MTRR: variants seen among roughly 807,000 people sequenced by gnomAD.
MTRR encodes the protein 5-methyltetrahydrofolate-homocysteine methyltransferase reductase, also known as methionine synthase reductase.
In MTRR, 63 loss-of-function variants were observed where a neutral mutation model predicts 79.2. That is an observed-to-expected ratio of 0.80 (90% CI 0.65 to 0.98). MTRR has a LOEUF of 0.98. MTRR is among the 50% of genes least tolerant of loss of function. The pLI is 0.00. For missense variants in MTRR, 895 were observed against 839.6 expected, an observed-to-expected ratio of 1.07 and a Z score of -0.82; for synonymous variants, 355 against 313.3, an observed-to-expected ratio of 1.13 and a Z score of -1.41.
chr5:7,892,061 A>T (rs2126789641), intron 10 of MTRR, among the ~76,000 whole-genome samples: 1 of 152,164 alleles, frequency 6.6e-6, no homozygotes, highest in South Asian at 2.1e-4. Flanking sequence ...AAAAAAGAAT[A>T]TTTGATGAGC....
In MTRR at chr5:7,899,975, G is replaced by T. The variant is rs748945898; in HGVS notation, c.2014G>T (p.Val672Phe). 1 of 1,613,994 alleles carries T rather than the reference G, an allele frequency of 6.2e-7. No individual in the cohort carries two copies. The highest frequency in any genetic ancestry group is 1.3e-5 in the African/African-American group (1 of 74,908). ...CCTTGTGCAAATAATAAGCAAAGAG[G>T]TTGGAGTTGAAAAACTAGAAGCAAT... Reference protein sequence around the residue: ...DALVQIISKEVGVEKLEAMKT... With the variant: ...DALVQIISKEFGVEKLEAMKT... The change falls in exon 15 of 15, where the codon GTT (valine) becomes TTT (phenylalanine). Residue 672 changes from valine to phenylalanine, a missense_variant. By Grantham distance (50) the Val-to-Phe change is conservative (BLOSUM62 -1). Coordinates refer to ENST00000440940, the MANE Select transcript of MTRR (RefSeq NM_002454.3).
upstream of MTRR, chr5:7,867,968 T>A (rs1289890386): frequency 1.2e-6 from 2 of 1,614,106 alleles, no homozygotes; most frequent in Non-Finnish European, 1.7e-6. Context: ...GCACAGACGC[T>A]CCTTGACTAC....
intron 6 of MTRR, 85 bp from the exon 7 acceptor site, chr5:7,885,616 G>T: frequency 1.2e-5 from 15 of 1,218,874 alleles, no homozygotes; most frequent in Middle Eastern, 2.0e-4. Flanking sequence ...TCATAATATT[G>T]AAAACTATAT....
intron 1 of MTRR, among the ~76,000 whole-genome samples, chr5:7,852,026 C>G (rs115691320): frequency 1.4e-3 from 213 of 152,306 alleles, no homozygotes; most frequent in Admixed American, 3.4e-3. Context: ...CAATCCCTTC[C>G]AAGCCAACTT....
chr5:7,854,538 A>G (rs758180991), intron 1 of MTRR, among the ~76,000 whole-genome samples: 44 of 152,194 alleles, frequency 2.9e-4, no homozygotes, highest in Admixed American at 4.6e-4. Context: ...ATGGCAGGAG[A>G]TGAAAGGCAC....
At chr5:7,888,970 C>T in intron 8 of MTRR, 125 bp from the exon 9 acceptor site, 1 of 1,037,942 alleles carries the variant, frequency 9.6e-7, no homozygotes, top group East Asian at 2.5e-5. Context: ...CTGACAATAG[C>T]TCCTAGTGGC....
At chr5:7,855,867 G>A (rs917494445) in intron 1 of MTRR, among the ~76,000 whole-genome samples, 2 of 152,148 alleles carry the variant, frequency 1.3e-5, no homozygotes, top group Non-Finnish European at 2.9e-5. Context: ...TACAAGTACT[G>A]GATGAAGGCA....
intron 4 of MTRR, 60 bp from the exon 5 acceptor site, chr5:7,877,883 TC>T: frequency 1.2e-6 from 2 of 1,600,038 alleles, no homozygotes; most frequent in Non-Finnish European, 1.7e-6. Flanking sequence ...ATTATCCTGT[TC>T]TGTGTTCAGA....
At chr5:7,869,980 G>C in intron 1 of MTRR, 1 of 981,074 alleles carries the variant, frequency 1.0e-6, no homozygotes, top group Non-Finnish European at 1.2e-6. Context: ...CTTTTGGTTT[G>C]GGTTTCAGTT....
At chr5:7,856,828 A>G (rs1212309828) in intron 1 of MTRR, 1 of 150,280 alleles carries the variant, frequency 6.7e-6, no homozygotes, top group Non-Finnish European at 1.5e-5. Context: ...TCTATCAAAT[A>G]TCTTTCAAGT....
chr5:7,861,300 T>A, intron 1 of MTRR: 8 of 1,190,264 alleles, frequency 6.7e-6, no homozygotes, highest in Non-Finnish European at 9.4e-6. Flanking sequence ...CTTAATTTTT[T>A]AAATAATCCA....
chr5:7,866,730 G>A (rs1184951070), upstream of MTRR: 1 of 1,613,824 alleles, frequency 6.2e-7, no homozygotes, highest in South Asian at 1.1e-5. Flanking sequence ...CATGAATGAA[G>A]AAGTTTCAAT....
At chr5:7,876,641 A>G (rs1734608397) in intron 4 of MTRR, among the ~76,000 whole-genome samples, 2 of 152,250 alleles carry the variant, frequency 1.3e-5, no homozygotes, top group Non-Finnish European at 2.9e-5. Flanking sequence ...TGGGGTTACG[A>G]ATGCACACTT....
intron 8 of MTRR, among the ~76,000 whole-genome samples, chr5:7,887,219 G>GTT (rs1040608765): frequency 3.4e-4 from 52 of 152,226 alleles, no homozygotes; most frequent in African/African-American, 1.2e-3. Context: ...AAATGGAAGG[G>GTT]TTTTGGTAGG....
chr5:7,880,252 A>G (rs1735361456), intron 5 of MTRR, among the ~76,000 whole-genome samples: 1 of 152,234 alleles, frequency 6.6e-6, no homozygotes, highest in Non-Finnish European at 1.5e-5. Context: ...CAGGTGTTCC[A>G]CATTTATTCA....
At chr5:7,895,620 A>G (rs1738369620) in intron 11 of MTRR, 114 bp from the exon 12 acceptor site, 2 of 1,341,062 alleles carry the variant, frequency 1.5e-6, no homozygotes, top group Non-Finnish European at 2.1e-6. Flanking sequence ...CTATTTAGTG[A>G]TGTTTCTTTG....
chr5:7,850,880 C>A, upstream of MTRR: 1 of 1,327,596 alleles, frequency 7.5e-7, no homozygotes. Flanking sequence ...CTCACCCGCG[C>A]CGGGCGGTAG....
chr5:7,881,133 A>C (rs562620437), intron 5 of MTRR, among the ~76,000 whole-genome samples: 1 of 152,076 alleles, frequency 6.6e-6, no homozygotes, highest in South Asian at 2.1e-4. Flanking sequence ...TTTTCATTGT[A>C]AGGATTGATC....
At chr5:7,868,476 T>TAAGGG (rs1747232684), upstream of MTRR, among the ~76,000 whole-genome samples, 1 of 152,192 alleles carries the variant, frequency 6.6e-6, no homozygotes, top group South Asian at 2.1e-4. Context: ...ATGTAGCTCT[T>TAAGGG]AAGGGTGGCC....
Sources: gnomAD v4.1 joint callset for allele counts (sites outside exome capture counted in the v4.1 genomes callset) on GRCh38, gnomAD v4.1.1 for gene constraint, MANE v1.5 for transcripts, NCBI Gene and HGNC (gene_info 2026-07-23, HGNC 2026-07-21) for gene names.